Variants in CCDC80 observed in about 807,000 individuals in gnomAD.
The protein encoded by CCDC80 is coiled-coil domain-containing protein 80.
In CCDC80, 49 loss-of-function variants were observed where a neutral mutation model predicts 78.7. The observed-to-expected ratio is 0.62, with a 90% CI of 0.50 to 0.79. The LOEUF is 0.79. Ranked by LOEUF, CCDC80 falls within the 30% of genes least tolerant of loss-of-function variation. The pLI is 0.00. For synonymous variants in CCDC80, 488 were observed against 447.0 expected, an observed-to-expected ratio of 1.09 and a Z score of -1.16; for missense variants, 1,205 against 1,198.6, an observed-to-expected ratio of 1.01 and a Z score of -0.08.
At chr3:112,619,939 A>T (rs1401403313) in intron 3 of CCDC80, among the ~76,000 whole-genome samples, 13 of 152,206 alleles carry the variant, frequency 8.5e-5, no homozygotes, top group Non-Finnish European at 1.9e-4. Context: ...TATATCTCTC[A>T]ACCCTACCTA....
chr3:112,607,793 A>G (rs923268548), intron 6 of CCDC80, among the ~76,000 whole-genome samples: 5 of 152,208 alleles, frequency 3.3e-5, no homozygotes, highest in Non-Finnish European at 7.3e-5. Context: ...AAAAAAAGAA[A>G]AGATGAAGCA....
At chr3:112,630,834 T>C (rs1364681102) in intron 2 of CCDC80, among the ~76,000 whole-genome samples, 3 of 152,210 alleles carry the variant, frequency 2.0e-5, no homozygotes, top group East Asian at 3.8e-4. Flanking sequence ...TTTTGTCACA[T>C]AGAATATATT....
chr3:112,612,145 A>C (rs1935644591), intron 5 of CCDC80, among the ~76,000 whole-genome samples: 1 of 151,780 alleles, frequency 6.6e-6, no homozygotes, highest in South Asian at 2.1e-4. Flanking sequence ...GGAGCCTCTG[A>C]GACTGTCCAA....
At chr3:112,620,913 G>A (rs1228612808) in intron 3 of CCDC80, among the ~76,000 whole-genome samples, 1 of 152,142 alleles carries the variant, frequency 6.6e-6, no homozygotes, top group Non-Finnish European at 1.5e-5. Context: ...AATTGGTTCT[G>A]TGCTGAGTGC....
At chr3:112,608,813 T>A (rs537822576) in intron 6 of CCDC80, among the ~76,000 whole-genome samples, 5 of 152,316 alleles carry the variant, frequency 3.3e-5, no homozygotes, top group African/African-American at 9.6e-5. Flanking sequence ...TTTTCTATTG[T>A]TCTTACTATT....
chr3:112,605,913 G>A (rs1240654084), intron 7 of CCDC80, 150 bp from the exon 8 acceptor site: 2 of 687,680 alleles, frequency 2.9e-6, no homozygotes, highest in Non-Finnish European at 4.8e-6. Flanking sequence ...GTTTGCTGGG[G>A]CTTTTTCTAC....
chr3:112,641,028 A>T lies in CCDC80; in HGVS notation c.-713T>A, dbSNP rs1207410821. 6.6e-6 allele frequency: 1 copy of T among 152,194 alleles called. No homozygotes were observed. Among genetic ancestry groups the T allele is most frequent in the Non-Finnish European group, 1.5e-5 (1 of 68,044 alleles). The allele number at this position is 152,194 out of a possible 1,614,324, so 9.4% of individuals were successfully genotyped here. On this transcript the variant is annotated 5_prime_UTR_variant, in exon 1 of 8. Coordinates refer to ENST00000206423, the MANE Select transcript of CCDC80 (RefSeq NM_199511.3). Reference sequence around the variant, plus strand: ...GTTTTGCTCCAAACCAAACTCAAACAACAGCAGCCACTGGAAATCAAGGAA... The same window carrying T: ...GTTTTGCTCCAAACCAAACTCAAACTACAGCAGCCACTGGAAATCAAGGAA...
At chr3:112,629,132 G>A (rs1477912139) in intron 3 of CCDC80, among the ~76,000 whole-genome samples, 2 of 152,084 alleles carry the variant, frequency 1.3e-5, no homozygotes, top group African/African-American at 4.8e-5. Context: ...ATAATGTTAT[G>A]TGTATTGAAG....
chr3:112,618,362 T>C (rs1445244932), intron 4 of CCDC80, among the ~76,000 whole-genome samples: 1 of 151,902 alleles, frequency 6.6e-6, no homozygotes, highest in African/African-American at 2.4e-5. Context: ...CTACTAAAAA[T>C]ACAAAAATAA....
chr3:112,623,701 T>C (rs1935911808), intron 3 of CCDC80, among the ~76,000 whole-genome samples: 1 of 152,178 alleles, frequency 6.6e-6, no homozygotes, highest in Non-Finnish European at 1.5e-5. Flanking sequence ...TGTCATAGCA[T>C]ACAAGATCAT....
chr3:112,631,549 T>C (rs1219385518), intron 2 of CCDC80, among the ~76,000 whole-genome samples: 12 of 152,228 alleles, frequency 7.9e-5, no homozygotes, highest in African/African-American at 2.9e-4. Flanking sequence ...TGCATTTGAC[T>C]ACATTCAAAT....
At chr3:112,607,486 A>G (rs1252066010) in intron 6 of CCDC80, among the ~76,000 whole-genome samples, 1 of 152,210 alleles carries the variant, frequency 6.6e-6, no homozygotes, top group East Asian at 1.9e-4. Flanking sequence ...GACAAAAAAG[A>G]AAAGAAAAGA....
At chr3:112,607,718 G>A (rs1439178148) in intron 6 of CCDC80, among the ~76,000 whole-genome samples, 3 of 152,148 alleles carry the variant, frequency 2.0e-5, no homozygotes, top group Non-Finnish European at 4.4e-5. Context: ...CCCGGGAGGC[G>A]GAGGTTGCAG....
rs1163056871 is a variant in CCDC80, at chr3:112,609,974, T to C, written c.2425+4A>G. 1 of 1,607,994 alleles carries C rather than the reference T, an allele frequency of 6.2e-7. No homozygotes were observed. The highest frequency in any genetic ancestry group is 1.1e-5 in the South Asian group (1 of 90,490). On this transcript the variant is annotated splice_donor_region_variant and intron_variant, in intron 6 of 7. Coordinates refer to ENST00000206423, the MANE Select transcript of CCDC80 (RefSeq NM_199511.3). ...AAGCAGTAATGAGGTGGCTTCCCACTCACCAAAATTGCACGCCTGACCACT... is the reference window on the plus strand; with the variant it reads ...AAGCAGTAATGAGGTGGCTTCCCACCCACCAAAATTGCACGCCTGACCACT...
Position 112,607,233 on chromosome 3 carries a change from T to C in CCDC80, c.2449A>G (p.Lys817Glu). Residue 817 changes from lysine (K) to glutamate (E), a missense_variant, in exon 7 of 8, where the codon AAG (lysine) becomes GAG (glutamate). Lys to Glu is a moderately conservative substitution (Grantham distance 56). Coordinates refer to ENST00000206423, the MANE Select transcript of CCDC80 (RefSeq NM_199511.3). Reference protein sequence around the residue: ...NFGLRHITILKLLGVGEEVGG... With the variant: ...NFGLRHITILELLGVGEEVGG... ...ACTTCCTCTCCAACGCCTAAAAGCT[T>C]CAGAATGGTTATGTGGCGCAGACCT... 1.2e-6 allele frequency: 2 copies of C among 1,613,944 alleles called. No individual in the cohort carries two copies. Among genetic ancestry groups the C allele is most frequent in the Non-Finnish European group, 1.7e-6 (2 of 1,179,914 alleles).
Position 112,639,054 on chromosome 3 carries a change from A to G in CCDC80, c.852T>C (p.Ser284=), listed in dbSNP as rs200944887. ...QKGFVQKCKA[S]GVEGQVVAEG... ...CCGCCACCACCTGGCCCTCTACACC[A>G]GAGGCCTTACATTTCTGGACAAAGC... Residue 284 remains serine, a synonymous_variant, in exon 2 of 8, where the codon TCT becomes TCC. Coordinates refer to ENST00000206423, the MANE Select transcript of CCDC80 (RefSeq NM_199511.3). 2.8e-5 allele frequency: 45 copies of G among 1,612,306 alleles called. No individual in the cohort carries two copies. The highest frequency in any genetic ancestry group is 3.4e-5 in the Non-Finnish European group (40 of 1,179,968).
rs1294684566 is a variant in CCDC80, at chr3:112,599,039, C to G, written c.*6378G>C. On this transcript the variant is annotated 3_prime_UTR_variant, in exon 8 of 8. Coordinates refer to ENST00000206423, the MANE Select transcript of CCDC80 (RefSeq NM_199511.3). ...ACAGGAAGCCTCTAAATTTAGCACTCTACTCACAGAGGGCCAAGAAAAATT... is the reference window on the plus strand; with the variant it reads ...ACAGGAAGCCTCTAAATTTAGCACTGTACTCACAGAGGGCCAAGAAAAATT... 3 of 152,172 alleles carry G rather than the reference C, an allele frequency of 2.0e-5. No individual in the cohort carries two copies. Among genetic ancestry groups the G allele is most frequent in the East Asian group, 1.9e-4 (1 of 5,192 alleles). The allele number at this position is 152,172 out of a possible 1,614,324, so 9.4% of individuals were successfully genotyped here.
At position 112,614,575 on chromosome 3, in the gene CCDC80, C is replaced by G. The variant is rs575410182; in HGVS notation, c.2321+2135G>C. Among the ~76,000 whole-genome samples the G allele has an allele frequency of 5.0e-4, 75 of 151,474 alleles. 1 individual carries two copies. Among genetic ancestry groups the G allele is most frequent in the Middle Eastern group, 6.9e-3 (2 of 290 alleles). On this transcript the variant is annotated intron_variant, in intron 5 of 7. Coordinates refer to ENST00000206423, the MANE Select transcript of CCDC80 (RefSeq NM_199511.3). The stretch of plus-strand genomic sequence containing the variant: ...GAGCCCTTTCTCAGTGGAGGCTGCC[C>G]CTACGGCTGAGTTGATTTTAAGTCC...
At position 112,619,042 on chromosome 3, in the gene CCDC80, C is replaced by G. The variant is rs778769311; in HGVS notation, c.2098G>C (p.Glu700Gln). The G allele has an allele frequency of 1.2e-6, 2 of 1,610,898 alleles. No individual in the cohort carries two copies. The highest frequency in any genetic ancestry group is 1.7e-6 in the Non-Finnish European group (2 of 1,178,938). The change falls in exon 4 of 8, where the codon GAG becomes CAG. Residue 700 changes from glutamate (E) to glutamine (Q), a missense_variant. Physicochemically the swap from Glu to Gln is conservative, Grantham distance 29. Coordinates refer to ENST00000206423, the MANE Select transcript of CCDC80 (RefSeq NM_199511.3). ...EDLVDQRLIS[E>Q]LRKEYGMTYN... is the part of the protein sequence containing the mutation. ...GTCATTCCGTACTCTTTCCTCAGCT[C>G]GCTGATGAGACGCTGGTCTACCAAG...
Sources: allele counts gnomAD v4.1 joint callset (sites outside exome capture counted in the v4.1 genomes callset), GRCh38; gene constraint gnomAD v4.1.1; transcripts MANE v1.5; gene names NCBI Gene and HGNC (gene_info 2026-07-23, HGNC 2026-07-21).